The following HPF1 variants were observed in gnomAD, a reference collection of about 807,000 sequenced individuals.
HPF1 encodes UPF0609 protein C4orf27.
In HPF1, 35 loss-of-function variants were observed where a neutral mutation model predicts 38.8. That is an observed-to-expected ratio of 0.90 (90% CI 0.69 to 1.19). HPF1 has a LOEUF of 1.19. Among genes scored for constraint, HPF1 ranks in the 50% most tolerant of loss-of-function variants. The pLI, the probability that HPF1 is intolerant of heterozygous loss-of-function variation, is 0.00. For synonymous variants in HPF1, 115 were observed against 139.2 expected (o/e 0.83, Z 1.22); for missense variants, 367 against 405.8 (o/e 0.90, Z 0.82).
chr4:169,751,651 C>G lies in HPF1; in HGVS notation c.209-926G>C, dbSNP rs914979936. Among the ~76,000 whole-genome samples, 3 of 151,892 alleles carry G rather than the reference C, an allele frequency of 2.0e-5. No individual in the cohort carries two copies. In the South Asian group the frequency reaches 6.2e-4, roughly 32 times the overall value. On this transcript the variant is annotated intron_variant, in intron 2 of 7. Coordinates refer to ENST00000393381, the MANE Select transcript of HPF1 (RefSeq NM_017867.3). ...CTTACTTCTAAGATGGAGGGAAGCA[C>G]CCCAGACAGGACCCAGTTTTATAAG... is the stretch of plus-strand genomic sequence containing the variant.
intron 7 of HPF1, among the ~76,000 whole-genome samples, chr4:169,730,107 C>T (rs533247872): frequency 1.3e-5 from 2 of 152,262 alleles, no homozygotes; most frequent in East Asian, 3.9e-4. Context: ...GATCGTATTG[C>T]CTTTATCCTC....
At chr4:169,747,381 G>A (rs374976055) in intron 4 of HPF1, among the ~76,000 whole-genome samples, 29 of 152,232 alleles carry the variant, frequency 1.9e-4, no homozygotes, top group Non-Finnish European at 4.0e-4. Context: ...CTGCCTTGTA[G>A]ATACACCAGT....
At chr4:169,730,604 A>T (rs1212362560) in intron 7 of HPF1, among the ~76,000 whole-genome samples, 4 of 152,216 alleles carry the variant, frequency 2.6e-5, no homozygotes, top group African/African-American at 7.2e-5. Context: ...GACCCACCCT[A>T]GAACTCAATC....
chr4:169,750,711 T>C lies in HPF1; in HGVS notation c.223A>G (p.Ser75Gly). The C allele has an allele frequency of 5.0e-6, 8 of 1,602,544 alleles. No homozygotes were observed. The highest frequency in any genetic ancestry group is 6.0e-6 in the Non-Finnish European group (7 of 1,175,314). Residue 75 changes from serine to glycine, a missense_variant, in exon 3 of 8, where the codon AGC becomes GGC. Transcript: ENST00000393381. ...PEKPSDSLSA[S>G]LGLQLVGPYD... The stretch of plus-strand genomic sequence containing the variant: ...GGACCAACTAATTGAAGTCCAAGGC[T>C]TGCAGAAAGTGAATCTATAAAGAAA...
rs1733976032 is a variant in HPF1 at position 169,742,055 on chromosome 4, G to A, written c.550C>T (p.Leu184Phe). Residue 184 changes from leucine to phenylalanine, a missense_variant, in exon 5 of 8, where the codon CTC becomes TTC. Coordinates refer to ENST00000393381, the MANE Select transcript of HPF1 (RefSeq NM_017867.3). ...AGTTTTTCATCTATGTTTTTCAAGA[G>A]ATTGATTTTCTTTTTATCCGTTATT... ...REITDKKKIN[L>F]LKNIDEKLTE... 1.2e-6 allele frequency: 2 copies of A among 1,609,700 alleles called. No homozygotes were observed. Among genetic ancestry groups the A allele is most frequent in the Non-Finnish European group, 1.7e-6 (2 of 1,176,206 alleles).
chr4:169,739,489 C>T (rs533455523), intron 5 of HPF1, among the ~76,000 whole-genome samples: 2 of 151,616 alleles, frequency 1.3e-5, no homozygotes, highest in South Asian at 2.1e-4. Flanking sequence ...TAAAGAAATG[C>T]TAATTAAAAC....
chr4:169,732,129 C>T, intron 6 of HPF1: 2 of 288,476 alleles, frequency 6.9e-6, no homozygotes, highest in Non-Finnish European at 1.3e-5. Context: ...GATTTAGTTA[C>T]AGTCACGATT....
chr4:169,733,330 A>C (rs1020091138), intron 6 of HPF1, among the ~76,000 whole-genome samples: 1 of 152,234 alleles, frequency 6.6e-6, no homozygotes, highest in African/African-American at 2.4e-5. Flanking sequence ...GACGCAAATG[A>C]GATGGAAGTA....
intron 5 of HPF1, among the ~76,000 whole-genome samples, chr4:169,738,797 T>TACTA (rs1733929294): frequency 6.6e-6 from 1 of 152,190 alleles, no homozygotes; most frequent in South Asian, 2.1e-4. Flanking sequence ...CACCATGGAA[T>TACTA]ACTATGCAGC....
chr4:169,753,952 C>G lies in HPF1; in HGVS notation c.49-117G>C. ...AAATACATGTGTTTTCCTTAAAACT[C>G]TCTAAATGGTCTTTGAGTAAAATCT... On this transcript the variant is annotated intron_variant, in intron 1 of 7. Transcript: ENST00000393381. 2.0e-5 allele frequency: 15 copies of G among 758,688 alleles called. No homozygotes were observed. In the South Asian group the frequency reaches 3.1e-4, roughly 16 times the overall value. 47.0% of individuals were successfully genotyped at this position (758,688 alleles called of 1,614,324 possible).
chr4:169,743,346 G>T (rs1469313912), intron 4 of HPF1, among the ~76,000 whole-genome samples: 5 of 149,908 alleles, frequency 3.3e-5, no homozygotes, highest in South Asian at 2.1e-4. Context: ...CTGACCTCAG[G>T]TGATCCATCT....
In HPF1 at chr4:169,737,723, C is replaced by T. The variant is rs1581314781; in HGVS notation, c.673G>A (p.Ala225Thr). 3 of 1,612,170 alleles carry T rather than the reference C, an allele frequency of 1.9e-6. No individual in the cohort carries two copies. Among genetic ancestry groups the T allele is most frequent in the Non-Finnish European group, 2.5e-6 (3 of 1,178,644 alleles). ...KKVVTKTFHGAGLVVPVDKND... is the reference protein window; with the variant it reads ...KKVVTKTFHGTGLVVPVDKND... ...TTATCTACTGGAACAACCAAGCCTG[C>T]ACCATGAAAGGTCTTTGTCACAACC... The change falls in exon 6 of 8, where the codon GCA becomes ACA. Residue 225 changes from alanine to threonine, a missense_variant. Transcript: ENST00000393381.
intron 6 of HPF1, among the ~76,000 whole-genome samples, chr4:169,733,071 TGTG>T (rs1733850439): frequency 6.6e-6 from 1 of 152,188 alleles, no homozygotes; most frequent in Non-Finnish European, 1.5e-5. Flanking sequence ...ACTTGTGACT[TGTG>T]GTGAACTAAA....
In HPF1 at chr4:169,742,106, A is replaced by T. The variant is rs200292765; in HGVS notation, c.499T>A (p.Leu167Ile). Residue 167 changes from leucine to isoleucine, a missense_variant and splice_region_variant, in exon 5 of 8, where the codon TTA becomes ATA. Coordinates refer to ENST00000393381, the MANE Select transcript of HPF1 (RefSeq NM_017867.3). ...NGDNVFAAVK[L>I]FLTKKLREIT... ...TCTCTAAGTTTTTTCGTCAAAAATA[A>T]TCTGAAAAAGAAGTAAAAGTCCGCA... 1.9e-6 allele frequency: 3 copies of T among 1,609,922 alleles called. No individual in the cohort carries two copies. The highest frequency in any genetic ancestry group is 2.5e-6 in the Non-Finnish European group (3 of 1,178,552).
At chr4:169,742,185 G>C in intron 4 of HPF1, 78 bp from the exon 5 acceptor site, 1 of 1,214,980 alleles carries the variant, frequency 8.2e-7, no homozygotes, top group Non-Finnish European at 1.2e-6. Flanking sequence ...TTGAGCCAAG[G>C]TAAAAATGTC....
intron 4 of HPF1, 59 bp from the exon 5 acceptor site, chr4:169,742,166 C>CT: frequency 6.7e-7 from 1 of 1,485,922 alleles, no homozygotes; most frequent in Non-Finnish European, 9.2e-7. Flanking sequence ...GTACAAAGAC[C>CT]TTTCAAAGTT....
In HPF1 at chr4:169,741,767, C is replaced by T. The variant is rs1733971598; in HGVS notation, c.648+190G>A. On this transcript the variant is annotated intron_variant, in intron 5 of 7. Transcript: ENST00000393381. ...GCGCAATTCAATCAGTGTACCAACC[C>T]AAAGGAGCCATCTGACCCCTGTTTC... Among the ~76,000 whole-genome samples the T allele has an allele frequency of 4.6e-5, 7 of 152,274 alleles. No homozygotes were observed. In the South Asian group the frequency reaches 1.5e-3, roughly 32 times the overall value.
intron 3 of HPF1, 153 bp downstream of exon 3, chr4:169,750,383 G>C: frequency 1.9e-6 from 1 of 524,056 alleles, no homozygotes; most frequent in Admixed American, 3.4e-5. Context: ...CCTAGGGAAG[G>C]TTAAAACGGT....
In HPF1 at chr4:169,757,929, G is replaced by A. The variant is rs762176060; in HGVS notation, c.-52C>T. The A allele has an allele frequency of 6.4e-4, 963 of 1,510,102 alleles. 1 individual carries two copies. Among genetic ancestry groups the A allele is most frequent in the Non-Finnish European group, 6.2e-4 (701 of 1,124,600 alleles). The allele number at this position is 1,510,102 out of a possible 1,614,324, so 93.5% of individuals were successfully genotyped here. A position where few individuals can be genotyped will look rare whatever the true frequency, so the allele number is the denominator to read the frequency against. ...CCCCGATCCGCGGCCGCTTCCGAGC[G>A]CCGCCAACCGCTTCCGGGTTCAAAA... On this transcript the variant is annotated 5_prime_UTR_variant, in exon 1 of 8. Transcript: ENST00000393381.
Sources: allele counts gnomAD v4.1 joint callset (sites outside exome capture counted in the v4.1 genomes callset), GRCh38; gene constraint gnomAD v4.1.1; transcripts MANE v1.5; gene names NCBI Gene and HGNC (gene_info 2026-07-23, HGNC 2026-07-21).